Variants in HDAC9 observed in about 807,000 individuals in gnomAD.
The protein encoded by HDAC9 is histone deacetylase 9.
In HDAC9, 41 loss-of-function variants were observed where a neutral mutation model predicts 139.4. The ratio of observed to expected loss-of-function variants is 0.29; its 90% confidence interval spans 0.23 to 0.38. HDAC9 has a LOEUF of 0.38. HDAC9 is among the 10% of genes least tolerant of loss of function. The pLI is 1.00. For synonymous variants in HDAC9, 517 were observed against 476.2 expected, an observed-to-expected ratio of 1.09 and a Z score of -1.12; for missense variants, 1,147 against 1,297.0, an observed-to-expected ratio of 0.88 and a Z score of 1.78.
intron 24 of HDAC9, among the ~76,000 whole-genome samples, chr7:18,971,278 A>T (rs1389611839): frequency 6.6e-6 from 1 of 152,232 alleles, no homozygotes; most frequent in Admixed American, 6.5e-5. Flanking sequence ...AAAAATGAAT[A>T]AGGATAGAGG....
intron 2 of HDAC9, among the ~76,000 whole-genome samples, chr7:18,210,650 C>G (rs1562752467): frequency 6.6e-6 from 1 of 152,192 alleles, no homozygotes; most frequent in East Asian, 1.9e-4. Flanking sequence ...TATGTGGAAC[C>G]AAAGCCAAGT....
chr7:18,769,072 A>G (rs1013859385), intron 16 of HDAC9, among the ~76,000 whole-genome samples: 5 of 152,170 alleles, frequency 3.3e-5, no homozygotes, highest in Admixed American at 6.5e-5. Flanking sequence ...TTTTCAAACT[A>G]CAGTGGGTTT....
intron 1 of HDAC9, among the ~76,000 whole-genome samples, chr7:18,375,448 G>A (rs1205039388): frequency 6.6e-6 from 1 of 151,890 alleles, no homozygotes; most frequent in African/African-American, 2.4e-5. Context: ...CAGCCTGGGC[G>A]ACGGAGCTAG....
At chr7:18,521,325 G>T (rs969202065) in intron 2 of HDAC9, among the ~76,000 whole-genome samples, 1 of 152,120 alleles carries the variant, frequency 6.6e-6, no homozygotes, top group African/African-American at 2.4e-5. Flanking sequence ...TTAATTTTAT[G>T]TTGGATCCTA....
intron 2 of HDAC9, among the ~76,000 whole-genome samples, chr7:18,245,988 C>A (rs1794498290): frequency 6.6e-6 from 1 of 151,680 alleles, no homozygotes; most frequent in South Asian, 2.1e-4. Flanking sequence ...ATCACTGAGT[C>A]TATGTACCAG....
intron 2 of HDAC9, among the ~76,000 whole-genome samples, chr7:18,236,532 G>A (rs1408924502): frequency 1.3e-5 from 2 of 152,158 alleles, no homozygotes; most frequent in African/African-American, 4.8e-5. Context: ...TAGGAATTAA[G>A]TTCAGTTTAC....
At chr7:18,436,738 C>T (rs1003318038) in intron 1 of HDAC9, among the ~76,000 whole-genome samples, 1 of 152,140 alleles carries the variant, frequency 6.6e-6, no homozygotes, top group African/African-American at 2.4e-5. Flanking sequence ...ATAGTTAAAT[C>T]ATCTCTGTGT....
chr7:18,175,974 G>C (rs956901928), intron 2 of HDAC9, among the ~76,000 whole-genome samples: 1 of 152,030 alleles, frequency 6.6e-6, no homozygotes. Context: ...TTTTCCTTTG[G>C]AGCTGGAATT....
intron 1 of HDAC9, among the ~76,000 whole-genome samples, chr7:18,432,900 G>A (rs1270638665): frequency 2.0e-5 from 3 of 151,026 alleles, no homozygotes; most frequent in African/African-American, 4.9e-5. Flanking sequence ...GCAGTGAGCC[G>A]AGATCGCGCC....
chr7:18,257,180 G>A lies in HDAC9; in HGVS notation c.25+94831G>A, dbSNP rs1002769975. Among the ~76,000 whole-genome samples, 7 of 150,534 alleles carry A rather than the reference G, an allele frequency of 4.7e-5. No homozygotes were observed. In the South Asian group the frequency reaches 1.5e-3, roughly 32 times the overall value. On this transcript the variant is annotated intron_variant, in intron 2 of 12. Coordinates refer to the HDAC9 transcript ENST00000417496. The stretch of plus-strand genomic sequence containing the variant: ...TAAATGTAACAAAACAAAAATAAGA[G>A]AAGAAAACATTGGGTCAGGTGTGGT...
At chr7:18,368,620 A>G (rs1342295099) in intron 1 of HDAC9, among the ~76,000 whole-genome samples, 1 of 152,060 alleles carries the variant, frequency 6.6e-6, no homozygotes, top group Non-Finnish European at 1.5e-5. Context: ...TTTATTTTAT[A>G]CCTTTTCCCA....
At chr7:18,852,329 G>GGAAAGGAC (rs1797362275) in intron 21 of HDAC9, among the ~76,000 whole-genome samples, 1 of 152,192 alleles carries the variant, frequency 6.6e-6, no homozygotes, top group Non-Finnish European at 1.5e-5. Flanking sequence ...TCCAAGTCTT[G>GGAAAGGAC]TGAGTAGCCC....
chr7:18,368,985 C>A (rs532556816), intron 1 of HDAC9, among the ~76,000 whole-genome samples: 2 of 152,144 alleles, frequency 1.3e-5, no homozygotes, highest in South Asian at 4.2e-4. Context: ...CTACTAAACC[C>A]ATTTTTCAGC....
At chr7:18,422,580 A>G (rs1451537154) in intron 1 of HDAC9, among the ~76,000 whole-genome samples, 1 of 152,206 alleles carries the variant, frequency 6.6e-6, no homozygotes, top group Non-Finnish European at 1.5e-5. Flanking sequence ...TTTATAAAAC[A>G]GAATCTTCAA....
At chr7:18,414,063 C>T (rs904377121) in intron 1 of HDAC9, among the ~76,000 whole-genome samples, 1 of 152,062 alleles carries the variant, frequency 6.6e-6, no homozygotes, top group African/African-American at 2.4e-5. Flanking sequence ...AGTAAATGAA[C>T]GGCGTTTTAA....
At chr7:18,729,390 A>G (rs1269741971) in intron 13 of HDAC9, among the ~76,000 whole-genome samples, 2 of 152,132 alleles carry the variant, frequency 1.3e-5, no homozygotes, top group Admixed American at 1.3e-4. Flanking sequence ...ACTGTATATT[A>G]CTGTAATCCT....
Position 18,800,151 on chromosome 7 carries a change from T to C in HDAC9, c.2322+6699T>C, listed in dbSNP as rs139031512. On this transcript the variant is annotated intron_variant, in intron 17 of 25. Transcript: ENST00000686413. ...AGAAAAAGACCATCACCAAGTATTC[T>C]ATGTCCAACAAATCTGTCCTTCAAA... Among the ~76,000 whole-genome samples, 5 of 152,360 alleles carry C rather than the reference T, an allele frequency of 3.3e-5. No homozygotes were observed. The East Asian group carries it at 9.6e-4, about 29-fold the overall frequency.
intron 1 of HDAC9, among the ~76,000 whole-genome samples, chr7:18,446,189 G>T (rs936353404): frequency 6.6e-6 from 1 of 152,212 alleles, no homozygotes; most frequent in Non-Finnish European, 1.5e-5. Flanking sequence ...CACACACACA[G>T]AACTTCCACT....
chr7:18,354,197 AT>A (rs1783077371), intron 1 of HDAC9, among the ~76,000 whole-genome samples: 1 of 152,120 alleles, frequency 6.6e-6, no homozygotes, highest in South Asian at 2.1e-4. Flanking sequence ...AAGGACATTT[AT>A]TTACCTAGTT....
Sources: allele counts gnomAD v4.1 joint callset (sites outside exome capture counted in the v4.1 genomes callset), GRCh38; gene constraint gnomAD v4.1.1; transcripts MANE v1.5; gene names NCBI Gene and HGNC (gene_info 2026-07-23, HGNC 2026-07-21).